Variants in C8orf34 observed in about 807,000 individuals in gnomAD.
C8orf34 encodes the protein uncharacterized protein C8orf34.
C8orf34 carries 65 observed loss-of-function variants against 68.3 expected under a neutral mutation model. The observed-to-expected ratio is 0.95, with a 90% CI of 0.78 to 1.17. The LOEUF is 1.17. Among genes scored for constraint, C8orf34 ranks in the 50% most tolerant of loss-of-function variants. The pLI is 0.00. For missense variants in C8orf34, 664 were observed against 655.4 expected, an observed-to-expected ratio of 1.01 and a Z score of -0.14; for synonymous variants, 244 against 241.2, an observed-to-expected ratio of 1.01 and a Z score of -0.11.
chr8:68,534,125 T>C (rs950602638), intron 7 of C8orf34: 1 of 980,688 alleles, frequency 1.0e-6, no homozygotes, highest in African/African-American at 1.8e-5. Context: ...AAAAATGATA[T>C]ATTGCTTATC....
intron 11 of C8orf34, among the ~76,000 whole-genome samples, chr8:68,784,289 AT>A (rs540075098): frequency 9.5e-4 from 144 of 152,294 alleles, no homozygotes; most frequent in African/African-American, 3.3e-3. Flanking sequence ...TTTCATCATA[AT>A]TAGATTGGGT....
At chr8:68,371,088 A>G (rs1807540670) in intron 1 of C8orf34, among the ~76,000 whole-genome samples, 1 of 152,124 alleles carries the variant, frequency 6.6e-6, no homozygotes, top group Admixed American at 6.6e-5. Flanking sequence ...CTCCTCCAAC[A>G]TAGGAGAGCA....
chr8:68,664,419 T>C (rs964259057), intron 8 of C8orf34, among the ~76,000 whole-genome samples: 4 of 152,146 alleles, frequency 2.6e-5, no homozygotes, highest in African/African-American at 9.7e-5. Flanking sequence ...TGCCATGAGA[T>C]GATGCAAAAG....
intron 5 of C8orf34, among the ~76,000 whole-genome samples, chr8:68,517,274 C>A (rs1372384310): frequency 2.0e-5 from 3 of 152,008 alleles, no homozygotes; most frequent in African/African-American, 7.2e-5. Flanking sequence ...AATAATATAA[C>A]CAAAACTCTG....
At chr8:68,793,412 A>G (rs1238778106) in intron 12 of C8orf34, among the ~76,000 whole-genome samples, 1 of 152,228 alleles carries the variant, frequency 6.6e-6, no homozygotes, top group African/African-American at 2.4e-5. Context: ...AGGATTTTCA[A>G]GTATTAAAAA....
At chr8:68,349,856 T>G (rs1806438495) in intron 1 of C8orf34, among the ~76,000 whole-genome samples, 1 of 151,858 alleles carries the variant, frequency 6.6e-6, no homozygotes, top group African/African-American at 2.4e-5. Flanking sequence ...CTCTCTTTTC[T>G]TCTTCATTAG....
At chr8:68,750,976 T>C (rs1221492108) in intron 10 of C8orf34, among the ~76,000 whole-genome samples, 2 of 152,190 alleles carry the variant, frequency 1.3e-5, no homozygotes, top group African/African-American at 4.8e-5. Flanking sequence ...TATTCTCTTT[T>C]ACTCTAAAGC....
chr8:68,800,012 A>G (rs1210456070), intron 12 of C8orf34, among the ~76,000 whole-genome samples: 1 of 152,174 alleles, frequency 6.6e-6, no homozygotes, highest in African/African-American at 2.4e-5. Context: ...AGCAATTAAT[A>G]CTGTTTGGGG....
intron 12 of C8orf34, among the ~76,000 whole-genome samples, chr8:68,814,895 A>G (rs1824763785): frequency 6.6e-6 from 1 of 152,212 alleles, no homozygotes; most frequent in African/African-American, 2.4e-5. Context: ...ACTTTGCTAA[A>G]TATCAGGTTA....
chr8:68,340,198 G>C (rs1806014111), intron 1 of C8orf34, among the ~76,000 whole-genome samples: 1 of 152,054 alleles, frequency 6.6e-6, no homozygotes, highest in South Asian at 2.1e-4. Context: ...AAAAAAGTTT[G>C]GCAAGTGAGG....
At chr8:68,661,571 C>T (rs1001344862) in intron 8 of C8orf34, among the ~76,000 whole-genome samples, 1 of 152,278 alleles carries the variant, frequency 6.6e-6, no homozygotes, top group Non-Finnish European at 1.5e-5. Context: ...AGCAGGCTGC[C>T]GGTTGCCCCC....
chr8:68,359,946 A>G (rs1406378968), intron 1 of C8orf34, among the ~76,000 whole-genome samples: 1 of 152,168 alleles, frequency 6.6e-6, no homozygotes. Flanking sequence ...CAGCATGCCT[A>G]TTTCACAAAT....
chr8:68,773,200 T>TTTCA (rs1823403954), intron 10 of C8orf34, among the ~76,000 whole-genome samples: 1 of 152,028 alleles, frequency 6.6e-6, no homozygotes, highest in South Asian at 2.1e-4. Flanking sequence ...ATTTCACTGG[T>TTTCA]CTGGTGTTGG....
chr8:68,588,213 G>A (rs1194903317), intron 7 of C8orf34, among the ~76,000 whole-genome samples: 2 of 151,918 alleles, frequency 1.3e-5, no homozygotes, highest in Non-Finnish European at 2.9e-5. Context: ...TTTATCTGAA[G>A]TAAGTATTAT....
chr8:68,717,021 G>A (rs1297252595), intron 9 of C8orf34, among the ~76,000 whole-genome samples: 2 of 151,814 alleles, frequency 1.3e-5, no homozygotes. Context: ...AAAAAAGGAA[G>A]CCCTGATTTG....
chr8:68,434,540 T>A (rs1810577359), intron 1 of C8orf34, among the ~76,000 whole-genome samples: 1 of 152,236 alleles, frequency 6.6e-6, no homozygotes, highest in Admixed American at 6.5e-5. Context: ...CTTTATCTAG[T>A]CTATCACTGA....
At chr8:68,809,268 T>G (rs899141903) in intron 12 of C8orf34, among the ~76,000 whole-genome samples, 6 of 152,218 alleles carry the variant, frequency 3.9e-5, no homozygotes, top group African/African-American at 1.4e-4. Context: ...TAGAAATGAT[T>G]TCTCTTTCAC....
intron 7 of C8orf34, among the ~76,000 whole-genome samples, chr8:68,633,551 T>G (rs957626969): frequency 2.0e-5 from 3 of 152,232 alleles, no homozygotes. Context: ...TTTACCACTG[T>G]TATCTTAAGA....
chr8:68,797,547 A>C (rs1244895655), intron 12 of C8orf34, among the ~76,000 whole-genome samples: 2 of 151,944 alleles, frequency 1.3e-5, no homozygotes, highest in African/African-American at 2.4e-5. Flanking sequence ...ACCTTTAAAA[A>C]AAAAAAAGTT....
Sources: allele counts gnomAD v4.1 joint callset (sites outside exome capture counted in the v4.1 genomes callset), GRCh38; gene constraint gnomAD v4.1.1; transcripts MANE v1.5; gene names NCBI Gene and HGNC (gene_info 2026-07-23, HGNC 2026-07-21).